Variants in SPAG9 observed in about 807,000 individuals in gnomAD.
The protein encoded by SPAG9 is C-Jun-amino-terminal kinase-interacting protein 4.
In SPAG9, 35 loss-of-function variants were observed where a neutral mutation model predicts 166.5. The ratio of observed to expected loss-of-function variants is 0.21; its 90% confidence interval spans 0.16 to 0.28. SPAG9 has a LOEUF of 0.28. Among genes scored for constraint, SPAG9 ranks in the 10% least tolerant of loss-of-function variants. SPAG9 has a pLI of 1.00. For synonymous variants in SPAG9, 534 were observed against 565.5 expected (o/e 0.94, Z 0.79); for missense variants, 1,235 against 1,603.3 (o/e 0.77, Z 3.92).
chr17:50,970,480 T>C (rs1336943552), intron 29 of SPAG9, among the ~76,000 whole-genome samples: 24 of 136,128 alleles, frequency 1.8e-4, no homozygotes, highest in Non-Finnish European at 3.5e-4. Flanking sequence ...GCCACTGCAC[T>C]CCAGCCTGGG....
intron 3 of SPAG9, among the ~76,000 whole-genome samples, chr17:51,055,613 A>G (rs1389742319): frequency 6.6e-6 from 1 of 152,152 alleles, no homozygotes; most frequent in Non-Finnish European, 1.5e-5. Context: ...AAACAAAAAA[A>G]CGGGCTAAGA....
At chr17:51,009,007 A>T in intron 9 of SPAG9, 1 of 358,486 alleles carries the variant, frequency 2.8e-6, no homozygotes, top group Non-Finnish European at 5.4e-6. Context: ...GAAGCTGAAA[A>T]TATATGAAAG....
At chr17:51,080,368 G>A (rs991803096) in intron 1 of SPAG9, among the ~76,000 whole-genome samples, 1 of 150,220 alleles carries the variant, frequency 6.7e-6, no homozygotes, top group Admixed American at 6.7e-5. Context: ...TTCTTTGGTA[G>A]TACCTCCTTT....
At chr17:51,010,582 A>AT (rs1555638958) in intron 9 of SPAG9, among the ~76,000 whole-genome samples, 3,643 of 130,466 alleles carry the variant, frequency 0.028, 54 homozygotes, top group East Asian at 0.062. Context: ...AAAAAAAAAA[A>AT]ATATATATAT....
intron 1 of SPAG9, among the ~76,000 whole-genome samples, chr17:51,105,150 G>A (rs976795264): frequency 6.6e-6 from 1 of 151,950 alleles, no homozygotes; most frequent in Non-Finnish European, 1.5e-5. Flanking sequence ...AGATGAGTAG[G>A]TTAAACATTT....
chr17:51,039,209 G>A (rs1403894620), intron 5 of SPAG9, among the ~76,000 whole-genome samples: 1 of 152,134 alleles, frequency 6.6e-6, no homozygotes, highest in Non-Finnish European at 1.5e-5. Flanking sequence ...CATGCCCTAA[G>A]ATGGCTAGGT....
intron 2 of SPAG9, among the ~76,000 whole-genome samples, chr17:51,066,136 T>C (rs1477787276): frequency 6.6e-6 from 1 of 151,932 alleles, no homozygotes; most frequent in Non-Finnish European, 1.5e-5. Context: ...GACAGGGTCT[T>C]GTTCTGTTTC....
intron 1 of SPAG9, among the ~76,000 whole-genome samples, chr17:51,112,190 G>A (rs866547078): frequency 1.6e-4 from 25 of 152,082 alleles, no homozygotes; most frequent in African/African-American, 5.5e-4. Context: ...ACTAGGTGCA[G>A]GGGCATATCT....
chr17:51,034,565 G>A (rs1007128315), intron 5 of SPAG9, among the ~76,000 whole-genome samples: 5 of 152,116 alleles, frequency 3.3e-5, no homozygotes, highest in Admixed American at 6.6e-5. Context: ...TGATAGGTTC[G>A]CATAGCCCAC....
chr17:51,037,979 G>A (rs2046686094), intron 5 of SPAG9, among the ~76,000 whole-genome samples: 1 of 152,008 alleles, frequency 6.6e-6, no homozygotes, highest in African/African-American at 2.4e-5. Context: ...TGTTAATGAA[G>A]CAATACAAAA....
chr17:51,010,585 AT>A lies in SPAG9; in HGVS notation c.1214-3260del, dbSNP rs1567994458. Reference sequence around the variant, plus strand: ...CAAGAAAAGAAAAAAAAAAAAAAATATATATATATATATATACATATATGTA... The same window carrying A: ...CAAGAAAAGAAAAAAAAAAAAAAATAATATATATATATATACATATATGTA... On this transcript the variant is annotated intron_variant, in intron 9 of 29. Coordinates refer to ENST00000262013, the MANE Select transcript of SPAG9 (RefSeq NM_001130528.3). Among the ~76,000 whole-genome samples the A allele has an allele frequency of 4.8e-3, 622 of 130,908 alleles. 5 individuals are homozygous for A. Among genetic ancestry groups the A allele is most frequent in the African/African-American group, 0.018 (587 of 32,906 alleles). The allele number at this position is 130,908 out of a possible 152,430, so 85.9% of individuals were successfully genotyped here. A position where few individuals can be genotyped will look rare whatever the true frequency, so the allele number is the denominator to read the frequency against.
intron 1 of SPAG9, among the ~76,000 whole-genome samples, chr17:51,111,008 C>T (rs1041541538): frequency 5.9e-5 from 9 of 151,378 alleles, no homozygotes; most frequent in South Asian, 2.1e-4. Flanking sequence ...CCCAGCTACA[C>T]GGGAGGCTGA....
chr17:50,990,494 G>A lies in SPAG9; in HGVS notation c.2573C>T (p.Ser858Phe). The change falls in exon 20 of 30, where the codon TCC becomes TTC. Residue 858 changes from serine to phenylalanine, a missense_variant. By Grantham distance (155) the Ser-to-Phe change is radical. Transcript: ENST00000262013. ...TGGAGAAGCACCATTTGTACTAGGG[G>A]AAGTGGCAGCTCCCGTCACACCTTC... is the stretch of plus-strand genomic sequence containing the variant. ...SAEGVTGAATSPSTNGASPVM... is the reference protein window; with the variant it reads ...SAEGVTGAATFPSTNGASPVM... The A allele has an allele frequency of 6.2e-7, 1 of 1,614,166 alleles. No individual in the cohort carries two copies. The highest frequency in any genetic ancestry group is 8.5e-7 in the Non-Finnish European group (1 of 1,180,002).
At chr17:50,995,342 C>A in intron 17 of SPAG9, 102 bp downstream of exon 17, 11 of 1,295,930 alleles carry the variant, frequency 8.5e-6, no homozygotes, top group South Asian at 8.3e-5. Context: ...ATAAAATGAA[C>A]AATAACCTCA....
chr17:50,967,092 C>A (rs999004070), intron 29 of SPAG9, among the ~76,000 whole-genome samples: 3 of 152,226 alleles, frequency 2.0e-5, no homozygotes, highest in Non-Finnish European at 4.4e-5. Flanking sequence ...TGATCAGACA[C>A]TGGCTTCCAA....
At chr17:51,059,771 AAAACAAAC>A (rs71149339) in intron 2 of SPAG9, among the ~76,000 whole-genome samples, 118 of 150,906 alleles carry the variant, frequency 7.8e-4, no homozygotes, top group Admixed American at 2.6e-3. Context: ...TCCATCTCAA[AAAACAAAC>A]AAACAAACAA....
intron 2 of SPAG9, among the ~76,000 whole-genome samples, chr17:51,079,346 C>G (rs2048100884): frequency 6.6e-6 from 1 of 151,970 alleles, no homozygotes; most frequent in East Asian, 1.9e-4. Context: ...TCAAATGGTT[C>G]TCGTGCCTCA....
intron 1 of SPAG9, among the ~76,000 whole-genome samples, chr17:51,117,050 GTCCAAATCTATCTAAAA>G (rs1417161857): frequency 6.6e-6 from 1 of 152,148 alleles, no homozygotes; most frequent in African/African-American, 2.4e-5. Context: ...TCTGAAACCG[GTCCAAATCTATCTAAAA>G]TTAGCCCTTC....
In SPAG9 at chr17:51,005,988, G is replaced by C. The variant is rs1218235641; in HGVS notation, c.1424+97C>G. On this transcript the variant is annotated intron_variant, in intron 11 of 29. Transcript: ENST00000262013. ...AGGCAGCTCTTGGCCTTCCAGGCTTGAGTGGACAGAAGGTCTCAGTCTCAG... is the reference window on the plus strand; with the variant it reads ...AGGCAGCTCTTGGCCTTCCAGGCTTCAGTGGACAGAAGGTCTCAGTCTCAG... 9.3e-6 allele frequency: 13 copies of C among 1,397,652 alleles called. No homozygotes were observed. In the South Asian group the frequency reaches 1.6e-4, roughly 17 times the overall value. The allele number at this position is 1,397,652 out of a possible 1,614,324, so 86.6% of individuals were successfully genotyped here. A position where few individuals can be genotyped will look rare whatever the true frequency, so the allele number is the denominator to read the frequency against.
Sources: gnomAD v4.1 joint callset for allele counts (sites outside exome capture counted in the v4.1 genomes callset) on GRCh38, gnomAD v4.1.1 for gene constraint, MANE v1.5 for transcripts, NCBI Gene and HGNC (gene_info 2026-07-23, HGNC 2026-07-21) for gene names.